The following SPAG17 variants were observed in gnomAD, a reference collection of about 807,000 sequenced individuals.
SPAG17 encodes sperm associated antigen 17, also known as sperm-associated antigen 17.
In SPAG17, 169 loss-of-function variants were observed where a neutral mutation model predicts 273.6. The observed-to-expected ratio is 0.62, with a 90% CI of 0.55 to 0.70. The LOEUF is 0.70. Ranked by LOEUF, SPAG17 falls within the 30% of genes least tolerant of loss-of-function variation. The pLI is 0.00. For synonymous variants in SPAG17, 825 were observed against 873.2 expected (o/e 0.94, Z 0.97); for missense variants, 2,557 against 2,627.8 (o/e 0.97, Z 0.59).
chr1:118,169,348 T>C (rs920434786), intron 1 of SPAG17, among the ~76,000 whole-genome samples: 2 of 152,190 alleles, frequency 1.3e-5, no homozygotes, highest in African/African-American at 4.8e-5. Context: ...AAACAACCTT[T>C]GTGTGAACTG....
intron 13 of SPAG17, among the ~76,000 whole-genome samples, chr1:118,084,333 A>C (rs1272987887): frequency 6.6e-6 from 1 of 152,214 alleles, no homozygotes; most frequent in Admixed American, 6.5e-5. Context: ...TTAGGCTTAC[A>C]AAGGAAATGG....
chr1:118,133,720 A>G (rs1477941474), intron 3 of SPAG17, among the ~76,000 whole-genome samples: 1 of 152,158 alleles, frequency 6.6e-6, no homozygotes, highest in Non-Finnish European at 1.5e-5. Flanking sequence ...TTTTGCCTGC[A>G]TGTCCTTCTT....
chr1:118,007,455 A>C (rs1349238617), intron 31 of SPAG17, among the ~76,000 whole-genome samples: 1 of 152,226 alleles, frequency 6.6e-6, no homozygotes, highest in African/African-American at 2.4e-5. Flanking sequence ...TTTAAGGCTA[A>C]AGGAACTGCA....
At chr1:118,126,215 T>C (rs1309089515) in intron 3 of SPAG17, among the ~76,000 whole-genome samples, 2 of 145,718 alleles carry the variant, frequency 1.4e-5, no homozygotes, top group Admixed American at 1.4e-4. Flanking sequence ...TTTTTTTTTT[T>C]TTTTTTTTGA....
chr1:118,055,827 T>C lies in SPAG17; in HGVS notation c.2628A>G (p.Lys876=). The C allele has an allele frequency of 6.2e-7, 1 of 1,613,220 alleles. No individual in the cohort carries two copies. Among genetic ancestry groups the C allele is most frequent in the Non-Finnish European group, 8.5e-7 (1 of 1,179,626 alleles). The change falls in exon 19 of 49, where the codon AAA becomes AAG. Residue 876 remains lysine (K), a synonymous_variant. Coordinates refer to ENST00000336338, the MANE Select transcript of SPAG17 (RefSeq NM_206996.4). ...CCAGCTCAGCTCTGGTCCTGATGAT[T>C]TTCTCATTCATTTTAGATTCCTGAT... The part of the protein sequence containing the change: ...AIYQESKMNE[K]IIRTRAELEL...
At chr1:118,119,992 T>G (rs1389265034) in intron 3 of SPAG17, among the ~76,000 whole-genome samples, 1 of 152,244 alleles carries the variant, frequency 6.6e-6, no homozygotes, top group Non-Finnish European at 1.5e-5. Context: ...TTTGCTCATT[T>G]ATTTAACTAG....
Position 117,972,638 on chromosome 1 carries a change from T to C in SPAG17, c.6142-591A>G, listed in dbSNP as rs114748976. On this transcript the variant is annotated intron_variant, in intron 44 of 48. Transcript: ENST00000336338. The stretch of plus-strand genomic sequence containing the variant: ...ACACCAGATCTAGTGAGTCAGAATC[T>C]GTATTTTAACAAGATCCCGAGGTAA... Among the ~76,000 whole-genome samples the C allele has an allele frequency of 6.6e-3, 1,012 of 152,338 alleles. 10 individuals are homozygous for C. The highest frequency in any genetic ancestry group is 0.023 in the African/African-American group (937 of 41,594).
intron 18 of SPAG17, among the ~76,000 whole-genome samples, chr1:118,057,872 C>T (rs969238128): frequency 2.0e-5 from 3 of 150,936 alleles, no homozygotes; most frequent in Non-Finnish European, 4.4e-5. Context: ...AATATTAATA[C>T]TCATTAACTC....
At chr1:118,165,471 C>T (rs972899143) in intron 1 of SPAG17, among the ~76,000 whole-genome samples, 5 of 152,058 alleles carry the variant, frequency 3.3e-5, no homozygotes, top group African/African-American at 9.7e-5. Flanking sequence ...GACAACGACG[C>T]TACTTCATCA....
At chr1:117,965,891 C>T (rs1359298997) in intron 47 of SPAG17, 1 of 152,194 alleles carries the variant, frequency 6.6e-6, no homozygotes, top group Non-Finnish European at 1.5e-5. Context: ...GAACTCCCTG[C>T]CAATCATCCC....
At chr1:118,003,498 T>C (rs1658541088) in intron 32 of SPAG17, among the ~76,000 whole-genome samples, 1 of 152,216 alleles carries the variant, frequency 6.6e-6, no homozygotes, top group South Asian at 2.1e-4. Flanking sequence ...TAGTCCTGTA[T>C]TTCTTGGAGG....
chr1:117,981,183 A>G, intron 43 of SPAG17, 87 bp downstream of exon 43: 5 of 1,397,910 alleles, frequency 3.6e-6, no homozygotes, highest in Non-Finnish European at 4.7e-6. Context: ...GTAACTCTCA[A>G]CCTCGCCTCC....
chr1:118,147,102 G>A (rs772264223), intron 3 of SPAG17, among the ~76,000 whole-genome samples: 3 of 152,040 alleles, frequency 2.0e-5, no homozygotes, highest in Non-Finnish European at 4.4e-5. Context: ...CCTACCACGC[G>A]CCAGGCTTAT....
At chr1:118,049,668 A>T (rs1650775500) in intron 20 of SPAG17, among the ~76,000 whole-genome samples, 1 of 152,228 alleles carries the variant, frequency 6.6e-6, no homozygotes, top group Non-Finnish European at 1.5e-5. Context: ...ATAAATAGAA[A>T]AGTATCCTAA....
chr1:117,954,870 G>T (rs1479787092), intron 48 of SPAG17, among the ~76,000 whole-genome samples: 1 of 152,036 alleles, frequency 6.6e-6, no homozygotes, highest in African/African-American at 2.4e-5. Flanking sequence ...TCTAGTGCCT[G>T]TTTATGTTCA....
intron 17 of SPAG17, 136 bp from the exon 18 acceptor site, chr1:118,067,035 G>T: frequency 1.3e-6 from 1 of 769,736 alleles, no homozygotes; most frequent in Non-Finnish European, 1.9e-6. Flanking sequence ...AATTCCCAGA[G>T]GTTTCTTTCC....
chr1:118,001,812 C>T (rs532762609), intron 32 of SPAG17, among the ~76,000 whole-genome samples: 47 of 152,164 alleles, frequency 3.1e-4, no homozygotes, highest in African/African-American at 1.1e-3. Flanking sequence ...TTTTTTGTGT[C>T]GCTATCTCTT....
At chr1:118,113,752 T>A (rs561200922) in intron 4 of SPAG17, among the ~76,000 whole-genome samples, 1 of 152,280 alleles carries the variant, frequency 6.6e-6, no homozygotes, top group South Asian at 2.1e-4. Context: ...TAAAGATTAT[T>A]TCCATACCTT....
chr1:118,028,695 G>A (rs1490165164), intron 25 of SPAG17, among the ~76,000 whole-genome samples: 2 of 152,140 alleles, frequency 1.3e-5, no homozygotes, highest in Non-Finnish European at 2.9e-5. Flanking sequence ...GGCTTGAAGT[G>A]GGCCTTGAAA....
Sources: gnomAD v4.1 joint callset for allele counts (sites outside exome capture counted in the v4.1 genomes callset) on GRCh38, gnomAD v4.1.1 for gene constraint, MANE v1.5 for transcripts, NCBI Gene and HGNC (gene_info 2026-07-23, HGNC 2026-07-21) for gene names.